Variants in L3MBTL4 observed in about 807,000 individuals in gnomAD.
The protein encoded by L3MBTL4 is L3MBTL histone methyl-lysine binding protein 4, also known as lethal(3)malignant brain tumor-like protein 4.
A neutral mutation model predicts 84.5 loss-of-function variants in L3MBTL4; 70 were observed. That is an observed-to-expected ratio of 0.83 (90% CI 0.68 to 1.01). L3MBTL4 has a LOEUF of 1.01. Ranked by LOEUF, L3MBTL4 falls within the 50% of genes least tolerant of loss-of-function variation. The pLI is 0.00. For missense variants in L3MBTL4, 715 were observed against 754.8 expected (o/e 0.95, Z 0.62); for synonymous variants, 274 against 259.8 (o/e 1.05, Z -0.52).
intron 17 of L3MBTL4, among the ~76,000 whole-genome samples, chr18:5,963,817 T>C (rs920317579): frequency 6.6e-6 from 1 of 152,242 alleles, no homozygotes; most frequent in African/African-American, 2.4e-5. Flanking sequence ...TTCCCTCTCA[T>C]TCTCCCTTTA....
intron 10 of L3MBTL4, among the ~76,000 whole-genome samples, chr18:6,218,433 T>G (rs2046414344): frequency 6.6e-6 from 1 of 152,084 alleles, no homozygotes; most frequent in Non-Finnish European, 1.5e-5. Context: ...GACCAGTACA[T>G]ATGGTTGGAT....
At chr18:6,352,318 G>T (rs1175245003) in intron 1 of L3MBTL4, among the ~76,000 whole-genome samples, 1 of 152,180 alleles carries the variant, frequency 6.6e-6, no homozygotes, top group Non-Finnish European at 1.5e-5. Context: ...TCTTTTGGCT[G>T]AGTTTAGATC....
At chr18:6,072,690 A>ACG (rs2057701527) in intron 16 of L3MBTL4, among the ~76,000 whole-genome samples, 1 of 115,144 alleles carries the variant, frequency 8.7e-6, no homozygotes, top group African/African-American at 3.5e-5. Flanking sequence ...AAACACACAC[A>ACG]CACACACAAA....
intron 16 of L3MBTL4, among the ~76,000 whole-genome samples, chr18:6,048,990 G>C (rs373547585): frequency 1.3e-5 from 2 of 152,056 alleles, no homozygotes; most frequent in African/African-American, 4.8e-5. Flanking sequence ...ATGGATTAAA[G>C]ATTTAAATGT....
chr18:5,982,668 T>C (rs575981754), intron 16 of L3MBTL4, among the ~76,000 whole-genome samples: 5 of 152,322 alleles, frequency 3.3e-5, no homozygotes, highest in African/African-American at 1.2e-4. Flanking sequence ...GCTAATTTTA[T>C]ACTCATAATA....
chr18:6,278,531 A>G (rs1243569284), intron 4 of L3MBTL4, among the ~76,000 whole-genome samples: 1 of 152,156 alleles, frequency 6.6e-6, no homozygotes, highest in Non-Finnish European at 1.5e-5. Flanking sequence ...TTGTATTTAT[A>G]TGTGATATGC....
At chr18:6,180,330 C>T (rs746677099) in intron 12 of L3MBTL4, among the ~76,000 whole-genome samples, 6 of 151,994 alleles carry the variant, frequency 3.9e-5, no homozygotes, top group Non-Finnish European at 5.9e-5. Context: ...AAATATGCCC[C>T]CAATTTCCAG....
At chr18:6,175,100 A>G (rs2044166778) in intron 12 of L3MBTL4, among the ~76,000 whole-genome samples, 1 of 152,114 alleles carries the variant, frequency 6.6e-6, no homozygotes, top group African/African-American at 2.4e-5. Context: ...ACCTGAGCAT[A>G]ATAAATACAA....
chr18:5,973,667 C>T (rs776827960), intron 16 of L3MBTL4, among the ~76,000 whole-genome samples: 12 of 152,138 alleles, frequency 7.9e-5, no homozygotes, highest in Non-Finnish European at 1.3e-4. Flanking sequence ...TCAAATCAGA[C>T]GGATCAGATT....
At chr18:5,980,658 C>T (rs1270974537) in intron 16 of L3MBTL4, among the ~76,000 whole-genome samples, 1 of 152,054 alleles carries the variant, frequency 6.6e-6, no homozygotes, top group Non-Finnish European at 1.5e-5. Context: ...TCTCGAACTC[C>T]TGACCTCAGG....
chr18:6,315,392 C>A (rs984824192), intron 1 of L3MBTL4, among the ~76,000 whole-genome samples: 1 of 152,160 alleles, frequency 6.6e-6, no homozygotes, highest in Admixed American at 6.5e-5. Flanking sequence ...ATTGATCCTT[C>A]TTAATTGTAT....
chr18:6,295,802 G>T (rs762589500), intron 4 of L3MBTL4, among the ~76,000 whole-genome samples: 13 of 152,094 alleles, frequency 8.5e-5, no homozygotes, highest in Non-Finnish European at 1.5e-4. Context: ...GTTTGAATCT[G>T]TGTCCCCACT....
rs1296112851 is a variant in L3MBTL4 at position 5,956,349 on chromosome 18, CGTCT to C, written c.1712_1715del (p.Gln571ArgfsTer6). ...TGATCTTCATCACTTTGACAATGTC[CGTCT>C]GTGTCAGAAGCAGGAAGGCTTTGCC... On this transcript the variant is annotated frameshift_variant, in exon 19 of 19. Transcript: ENST00000317931. LOFTEE classifies it high-confidence loss of function. 1 of 1,613,912 alleles carries C rather than the reference CGTCT, an allele frequency of 6.2e-7. No individual in the cohort carries two copies. Among genetic ancestry groups the C allele is most frequent in the African/African-American group, 1.3e-5 (1 of 74,892 alleles).
chr18:5,982,827 T>G (rs957423259), intron 16 of L3MBTL4, among the ~76,000 whole-genome samples: 2 of 152,236 alleles, frequency 1.3e-5, no homozygotes, highest in African/African-American at 4.8e-5. Context: ...GTTTTCCCAT[T>G]TATGTGAATA....
intron 1 of L3MBTL4, among the ~76,000 whole-genome samples, chr18:6,318,559 T>G (rs968025967): frequency 3.9e-4 from 30 of 77,724 alleles, no homozygotes; most frequent in African/African-American, 1.2e-3. Flanking sequence ...AATAAAAGGA[T>G]CAATCCAACA....
chr18:6,212,995 C>T (rs1428742631), intron 12 of L3MBTL4, among the ~76,000 whole-genome samples, 154 bp downstream of exon 12: 1 of 152,136 alleles, frequency 6.6e-6, no homozygotes, highest in Non-Finnish European at 1.5e-5. Context: ...CAGGGTCAAT[C>T]TTCAAGGTCA....
chr18:6,102,053 T>C (rs1286340004), intron 14 of L3MBTL4, among the ~76,000 whole-genome samples: 1 of 152,208 alleles, frequency 6.6e-6, no homozygotes, highest in Non-Finnish European at 1.5e-5. Context: ...CCAACTTTTA[T>C]TATAGTTTCC....
At chr18:5,998,054 C>T (rs955046017) in intron 16 of L3MBTL4, among the ~76,000 whole-genome samples, 8 of 152,060 alleles carry the variant, frequency 5.3e-5, no homozygotes, top group African/African-American at 1.9e-4. Flanking sequence ...AAACTAAAAC[C>T]ATAGATACAA....
At chr18:6,301,785 G>A (rs1310914054) in intron 4 of L3MBTL4, 118 bp downstream of exon 4, 2 of 798,128 alleles carry the variant, frequency 2.5e-6, no homozygotes, top group Admixed American at 1.8e-5. Flanking sequence ...TGAATAAATG[G>A]TAGATATTAT....
Sources: gnomAD v4.1 joint callset for allele counts (sites outside exome capture counted in the v4.1 genomes callset) on GRCh38, gnomAD v4.1.1 for gene constraint, MANE v1.5 for transcripts, NCBI Gene and HGNC (gene_info 2026-07-23, HGNC 2026-07-21) for gene names.